Variants in SYN3 observed in about 807,000 individuals in gnomAD.
SYN3 encodes synapsin III, also known as synapsin-3.
In SYN3, 35 loss-of-function variants were observed where a neutral mutation model predicts 65.8. That is an observed-to-expected ratio of 0.53 (90% CI 0.41 to 0.70). SYN3 has a LOEUF of 0.70. SYN3 is among the 30% of genes least tolerant of loss of function. The pLI, the probability that SYN3 is intolerant of heterozygous loss-of-function variation, is 0.00. For missense variants in SYN3, 680 were observed against 749.0 expected (o/e 0.91, Z 1.08); for synonymous variants, 270 against 292.9 (o/e 0.92, Z 0.80).
At chr22:32,599,962 A>G (rs2059258475) in intron 6 of SYN3, among the ~76,000 whole-genome samples, 1 of 152,084 alleles carries the variant, frequency 6.6e-6, no homozygotes, top group Non-Finnish European at 1.5e-5. Flanking sequence ...AAGTCTCCAG[A>G]GCAGAGCCCA....
intron 1 of SYN3, among the ~76,000 whole-genome samples, chr22:33,035,756 T>G (rs2053848257): frequency 6.6e-6 from 1 of 152,142 alleles, no homozygotes; most frequent in Admixed American, 6.5e-5. Flanking sequence ...TTTTTCATTT[T>G]TTATTGTGGA....
intron 8 of SYN3, among the ~76,000 whole-genome samples, chr22:32,541,249 G>A (rs1167837479): frequency 6.6e-6 from 1 of 152,166 alleles, no homozygotes; most frequent in African/African-American, 2.4e-5. Context: ...CCCTCAGCAA[G>A]GTATTCAAAG....
intron 6 of SYN3, chr22:32,858,236 G>T (rs1415892567): frequency 6.4e-7 from 1 of 1,552,120 alleles, no homozygotes; most frequent in Non-Finnish European, 8.8e-7. Flanking sequence ...CCTCGGCTGG[G>T]AAGGGTATGC....
At chr22:32,659,967 G>T (rs753277997) in intron 6 of SYN3, among the ~76,000 whole-genome samples, 15 of 152,172 alleles carry the variant, frequency 9.9e-5, no homozygotes, top group Admixed American at 2.6e-4. Context: ...CTTTACTTCC[G>T]AGAGTCTAAT....
chr22:32,868,902 C>T (rs965247020), intron 5 of SYN3, 64 bp downstream of exon 5: 7 of 1,530,982 alleles, frequency 4.6e-6, no homozygotes, highest in Admixed American at 3.7e-5. Context: ...GTGGGCTTGT[C>T]GCAGAGTGGG....
At chr22:32,867,782 C>T (rs1358640069) in intron 5 of SYN3, among the ~76,000 whole-genome samples, 2 of 152,164 alleles carry the variant, frequency 1.3e-5, no homozygotes, top group African/African-American at 4.8e-5. Flanking sequence ...GGGGTTTCAC[C>T]ATGTTGGCCA....
At position 33,001,761 on chromosome 22, in the gene SYN3, T is replaced by C. The variant is rs2053065796; in HGVS notation, c.311+4591A>G. ...TAACTCTATGACATAGGTACTATCA[T>C]TATTCCCATTTAGGTGCAGTAATTT... On this transcript the variant is annotated intron_variant, in intron 2 of 13. Transcript: ENST00000358763. 2.0e-5 allele frequency among the ~76,000 whole-genome samples: 3 copies of C among 152,238 alleles called. 1 individual carries two copies. Among genetic ancestry groups the C allele is most frequent in the Admixed American group, 2.0e-4 (3 of 15,288 alleles).
chr22:33,023,924 T>C (rs983951259), intron 1 of SYN3, among the ~76,000 whole-genome samples: 1 of 152,182 alleles, frequency 6.6e-6, no homozygotes, highest in African/African-American at 2.4e-5. Flanking sequence ...TCTGGACTTT[T>C]TGGTTCCAAA....
At chr22:32,598,494 TA>T (rs11331565) in intron 6 of SYN3, among the ~76,000 whole-genome samples, 31,676 of 151,998 alleles carry the variant, frequency 0.21, 4,806 homozygotes, top group African/African-American at 0.42. Context: ...CTTTAAATAA[TA>T]TTTTTTTTGA....
At chr22:32,533,942 G>A (rs1426793321) in intron 9 of SYN3, 47 bp from the exon 10 acceptor site, 4 of 1,362,094 alleles carry the variant, frequency 2.9e-6, no homozygotes, top group Non-Finnish European at 4.2e-6. Flanking sequence ...GGAAAGTGGG[G>A]AAGCGGGTAG....
intron 7 of SYN3, among the ~76,000 whole-genome samples, chr22:32,548,730 G>T (rs1206021341): frequency 6.6e-6 from 1 of 152,250 alleles, no homozygotes; most frequent in East Asian, 1.9e-4. Context: ...AAATTTCAAA[G>T]ATATATAACA....
intron 6 of SYN3, among the ~76,000 whole-genome samples, chr22:32,672,709 T>C (rs1471062681): frequency 3.3e-5 from 5 of 152,194 alleles, no homozygotes; most frequent in African/African-American, 1.2e-4. Flanking sequence ...CAACAGCCCT[T>C]TCTTTCTCCC....
intron 6 of SYN3, among the ~76,000 whole-genome samples, chr22:32,798,638 A>G (rs1234733767): frequency 6.8e-6 from 1 of 146,332 alleles, no homozygotes; most frequent in Non-Finnish European, 1.5e-5. Flanking sequence ...TAACTCTATC[A>G]TTGTTCTTAG....
intron 1 of SYN3, chr22:33,015,234 A>C (rs1434224316): frequency 4.5e-6 from 2 of 442,042 alleles, no homozygotes; most frequent in Non-Finnish European, 7.0e-6. Context: ...AAAAAAAAAA[A>C]AAAAAAAACT....
chr22:32,972,323 G>T (rs930734559), intron 3 of SYN3, among the ~76,000 whole-genome samples: 6 of 152,164 alleles, frequency 3.9e-5, no homozygotes, highest in Non-Finnish European at 7.4e-5. Flanking sequence ...GAATGAGGCA[G>T]GTCTGCATAT....
chr22:32,702,596 ATCT>A (rs1306362671), intron 6 of SYN3, among the ~76,000 whole-genome samples: 2 of 152,252 alleles, frequency 1.3e-5, no homozygotes, highest in East Asian at 3.8e-4. Flanking sequence ...GTTACAAAAG[ATCT>A]TCTGATATCC....
chr22:32,518,709 C>T lies in SYN3; in HGVS notation c.1319-375G>A, dbSNP rs145454076. Among the ~76,000 whole-genome samples, 562 of 152,196 alleles carry T rather than the reference C, an allele frequency of 3.7e-3. 4 individuals are homozygous for T. The highest frequency in any genetic ancestry group is 0.013 in the African/African-American group (535 of 41,506). The stretch of plus-strand genomic sequence containing the variant: ...AAGACTGGAAGACTGTACACTAAAA[C>T]CAGTGTGCCTCAGACTTTAATGTGC... On this transcript the variant is annotated intron_variant, in intron 12 of 13. Coordinates refer to ENST00000358763, the MANE Select transcript of SYN3 (RefSeq NM_003490.4).
chr22:33,000,655 G>A (rs936529863), intron 2 of SYN3, among the ~76,000 whole-genome samples: 6 of 152,206 alleles, frequency 3.9e-5, no homozygotes, highest in Admixed American at 1.3e-4. Flanking sequence ...CATCGTCCCC[G>A]TTGGGGTTGG....
chr22:32,523,232 G>A (rs1327732719), intron 12 of SYN3, among the ~76,000 whole-genome samples: 1 of 152,172 alleles, frequency 6.6e-6, no homozygotes, highest in Non-Finnish European at 1.5e-5. Flanking sequence ...CAGTGAACTG[G>A]CCGGGCGTGG....
Sources: gnomAD v4.1 joint callset for allele counts (sites outside exome capture counted in the v4.1 genomes callset) on GRCh38, gnomAD v4.1.1 for gene constraint, MANE v1.5 for transcripts, NCBI Gene and HGNC (gene_info 2026-07-23, HGNC 2026-07-21) for gene names.